Variants in KYAT3 observed in about 807,000 individuals in gnomAD.
The protein encoded by KYAT3 is kynurenine--oxoglutarate transaminase 3.
KYAT3 carries 50 observed loss-of-function variants against 59.0 expected under a neutral mutation model. The observed-to-expected ratio is 0.85, with a 90% CI of 0.68 to 1.07. The LOEUF is 1.07. KYAT3 is among the 50% of genes least tolerant of loss of function. KYAT3 has a pLI of 0.00. For synonymous variants in KYAT3, 148 were observed against 177.0 expected (o/e 0.84, Z 1.30); for missense variants, 497 against 533.3 (o/e 0.93, Z 0.67).
In KYAT3 at chr1:88,949,289, G is replaced by C; in HGVS notation, c.955-12C>G. The C allele has an allele frequency of 6.6e-7, 1 of 1,517,934 alleles. No homozygotes were observed. Among genetic ancestry groups the C allele is most frequent in the South Asian group, 1.3e-5 (1 of 75,706 alleles). 94.0% of individuals were successfully genotyped at this position (1,517,934 alleles called of 1,614,324 possible). A position where few individuals can be genotyped will look rare whatever the true frequency, so the allele number is the denominator to read the frequency against. ...TGAGCCAAGGCTTCCTGTTTGTTAA[G>C]AATCAAAAAATATGAAAAGGCATAT... On this transcript the variant is annotated splice_polypyrimidine_tract_variant and intron_variant, in intron 10 of 13. Coordinates refer to ENST00000260508, the MANE Select transcript of KYAT3 (RefSeq NM_001008661.3).
chr1:88,951,496 A>G (rs1447240530), intron 10 of KYAT3, among the ~76,000 whole-genome samples: 3 of 151,898 alleles, frequency 2.0e-5, no homozygotes, highest in African/African-American at 4.8e-5. Context: ...TGGCCTCCCA[A>G]AGTGTTGGGA....
chr1:88,987,898 T>C (rs540389797), intron 2 of KYAT3, among the ~76,000 whole-genome samples: 1 of 152,318 alleles, frequency 6.6e-6, no homozygotes, highest in African/African-American at 2.4e-5. Context: ...ATGTACGTAT[T>C]GTATTTGGTG....
chr1:88,977,037 C>T (rs541565085), intron 2 of KYAT3, among the ~76,000 whole-genome samples: 13 of 152,114 alleles, frequency 8.5e-5, no homozygotes, highest in East Asian at 5.8e-4. Context: ...TTTTTTGAGA[C>T]GGAGTCTCAC....
At chr1:88,967,743 C>T (rs558134114) in intron 4 of KYAT3, among the ~76,000 whole-genome samples, 4 of 151,306 alleles carry the variant, frequency 2.6e-5, no homozygotes, top group Non-Finnish European at 5.9e-5. Context: ...AATGATATTC[C>T]TTCTTTCATT....
chr1:88,986,429 T>C (rs1677462850), intron 2 of KYAT3, among the ~76,000 whole-genome samples: 1 of 151,450 alleles, frequency 6.6e-6, no homozygotes, highest in South Asian at 2.1e-4. Flanking sequence ...ATTGAGACCA[T>C]CCTGGACTAC....
At chr1:88,983,178 T>C (rs1489284552) in intron 2 of KYAT3, 2 of 1,612,652 alleles carry the variant, frequency 1.2e-6, no homozygotes, top group Non-Finnish European at 1.7e-6. Context: ...TAGCTGTCTT[T>C]AGTAGAATAC....
intron 2 of KYAT3, among the ~76,000 whole-genome samples, chr1:88,971,746 C>T (rs534346413): frequency 4.5e-4 from 69 of 152,168 alleles, no homozygotes; most frequent in Non-Finnish European, 8.1e-4. Context: ...ACTCCTATTC[C>T]ACTTGCCAAG....
chr1:88,977,106 C>T (rs965019060), intron 2 of KYAT3, among the ~76,000 whole-genome samples: 3 of 152,192 alleles, frequency 2.0e-5, no homozygotes, highest in Non-Finnish European at 4.4e-5. Flanking sequence ...CCTCTGCCTC[C>T]CGGGTTCAAG....
intron 4 of KYAT3, among the ~76,000 whole-genome samples, chr1:88,967,825 T>C (rs1428737576): frequency 6.6e-6 from 1 of 152,216 alleles, no homozygotes; most frequent in African/African-American, 2.4e-5. Context: ...ATTGATCTTT[T>C]CAAAGAACCA....
intron 13 of KYAT3, among the ~76,000 whole-genome samples, chr1:88,939,258 A>C (rs2101012157): frequency 6.6e-6 from 1 of 152,218 alleles, no homozygotes; most frequent in South Asian, 2.1e-4. Flanking sequence ...TACTTTTATC[A>C]CTTTTATTTT....
chr1:88,984,503 G>A (rs1422942310), intron 2 of KYAT3, among the ~76,000 whole-genome samples: 1 of 152,152 alleles, frequency 6.6e-6, no homozygotes, highest in Non-Finnish European at 1.5e-5. Flanking sequence ...AGCTACCACG[G>A]CTGGCCTTAA....
Position 88,943,422 on chromosome 1 carries a change from A to G in KYAT3, c.1143T>C (p.Asp381=), listed in dbSNP as rs149274895. The change falls in exon 12 of 14, where the codon GAT becomes GAC. Residue 381 remains aspartate (D), a splice_region_variant and synonymous_variant. Transcript: ENST00000260508. ...TATTCTTCATATCAGAGAGGTCTGG[A>G]TCTAAAACCACAATGAAAATTAGGT... ...YFIIADVSLL[D]PDLSDMKNNE... 91 of 1,538,186 alleles carry G rather than the reference A, an allele frequency of 5.9e-5. No homozygotes were observed. The African/African-American group carries it at 1.0e-3, about 18-fold the overall frequency.
intron 2 of KYAT3, among the ~76,000 whole-genome samples, chr1:88,974,469 CTTTTTTTTT>C (rs71084932): frequency 1.0e-4 from 7 of 69,660 alleles, no homozygotes; most frequent in African/African-American, 1.3e-4. Context: ...GTGTCTCTCT[CTTTTTTTTT>C]TTTTTTTTTT....
At chr1:88,972,173 T>C (rs1164221601) in intron 2 of KYAT3, among the ~76,000 whole-genome samples, 1 of 152,232 alleles carries the variant, frequency 6.6e-6, no homozygotes, top group Non-Finnish European at 1.5e-5. Flanking sequence ...ATGCTGCAAC[T>C]GGAGTCAGAA....
At chr1:88,939,502 C>G (rs1675159746) in intron 13 of KYAT3, among the ~76,000 whole-genome samples, 1 of 152,076 alleles carries the variant, frequency 6.6e-6, no homozygotes, top group Non-Finnish European at 1.5e-5. Context: ...GTCTAGGTGA[C>G]CAAAGGAATT....
chr1:88,949,153 A>G lies in KYAT3; in HGVS notation c.1079T>C (p.Val360Ala). Residue 360 changes from valine (V) to alanine (A), a missense_variant, in exon 11 of 14, where the codon GTT becomes GCT. By Grantham distance (64) the Val-to-Ala change is moderately conservative. This residue lies in a region of KYAT3 where 469 missense variants were observed against 479.1 expected (regional missense o/e 0.98). Transcript: ENST00000260508. ...ATCAGGAACTATGGGTTTTAGGCCAACACTTTCAAGTAAACGTACCATCCG... is the reference window on the plus strand; with the variant it reads ...ATCAGGAACTATGGGTTTTAGGCCAGCACTTTCAAGTAAACGTACCATCCG... ...RDRMVRLLESVGLKPIVPDGG... is the reference protein window; with the variant it reads ...RDRMVRLLESAGLKPIVPDGG... The G allele has an allele frequency of 6.2e-7, 1 of 1,610,226 alleles. No individual in the cohort carries two copies.
chr1:88,956,739 C>G (rs1675933039), intron 8 of KYAT3, among the ~76,000 whole-genome samples: 1 of 152,158 alleles, frequency 6.6e-6, no homozygotes, highest in Non-Finnish European at 1.5e-5. Context: ...TAAGAAAATG[C>G]AGGTAACAAA....
At position 88,936,207 on chromosome 1, in the gene KYAT3, C is replaced by T; in HGVS notation, c.1341G>A (p.Lys447=). Residue 447 remains lysine (K), a synonymous_variant, in exon 14 of 14, where the codon AAG becomes AAA. Coordinates refer to ENST00000260508, the MANE Select transcript of KYAT3 (RefSeq NM_001008661.3). The part of the protein sequence containing the change: ...STLDAAEEII[K]AWSVQKS ...ATCAAGACTTCTGTACACTCCATGC[C>T]TTGATGATTTCTTCAGCAGCATCCA... is the stretch of plus-strand genomic sequence containing the variant. The T allele has an allele frequency of 6.2e-7, 1 of 1,611,504 alleles. No homozygotes were observed. Among genetic ancestry groups the T allele is most frequent in the African/African-American group, 1.3e-5 (1 of 75,014 alleles).
At chr1:88,957,646 T>A (rs942989608) in intron 8 of KYAT3, among the ~76,000 whole-genome samples, 8 of 152,346 alleles carry the variant, frequency 5.3e-5, no homozygotes, top group African/African-American at 1.9e-4. Flanking sequence ...AAGTTCAAAA[T>A]ATACATCTTG....
Sources: gnomAD v4.1 joint callset for allele counts (sites outside exome capture counted in the v4.1 genomes callset) on GRCh38, gnomAD v4.1.1 for gene constraint, gnomAD v4.1.1 regional missense constraint, MANE v1.5 for transcripts, NCBI Gene and HGNC (gene_info 2026-07-23, HGNC 2026-07-21) for gene names.